Variants in SMARCE1 observed in about 807,000 individuals in gnomAD.
The protein encoded by SMARCE1 is SWI/SNF related BAF chromatin remodeling complex subunit E1, also known as SWI/SNF-related matrix-associated actin-dependent regulator of chromatin subfamily E member 1.
Under a neutral mutation model 54.9 loss-of-function variants are expected in SMARCE1, and 13 were observed. That is an observed-to-expected ratio of 0.24 (90% CI 0.15 to 0.38). The LOEUF (loss-of-function observed/expected upper bound fraction) is 0.38, where lower values mean the gene tolerates loss of function less well. SMARCE1 is among the 10% of genes least tolerant of loss of function. The probability of loss-of-function intolerance (pLI) is 1.00; values close to 1 mark genes in which losing one functional copy is unlikely to be tolerated. For missense variants in SMARCE1, 295 were observed against 523.8 expected, an observed-to-expected ratio of 0.56 and a Z score of 4.26; for synonymous variants, 151 against 175.3, an observed-to-expected ratio of 0.86 and a Z score of 1.10.
chr17:40,646,271 T>A (rs1392655936), intron 1 of SMARCE1, among the ~76,000 whole-genome samples: 1 of 152,210 alleles, frequency 6.6e-6, no homozygotes, highest in Non-Finnish European at 1.5e-5. Flanking sequence ...GATAACAATT[T>A]TTATTAAAAT....
intron 10 of SMARCE1, chr17:40,629,277 T>C (rs1298957217): frequency 5.0e-6 from 2 of 403,014 alleles, no homozygotes; most frequent in Non-Finnish European, 8.7e-6. Context: ...TAAAGACTGT[T>C]TAAAAAAAGG....
chr17:40,645,375 C>T, intron 3 of SMARCE1: 1 of 476,682 alleles, frequency 2.1e-6, no homozygotes. Flanking sequence ...TTTTACAGTA[C>T]TGTTTCTTTA....
chr17:40,645,524 T>C, intron 3 of SMARCE1, 52 bp downstream of exon 3: 3 of 1,231,144 alleles, frequency 2.4e-6, no homozygotes, highest in Non-Finnish European at 2.3e-6. Context: ...ATCTGGGTTT[T>C]TGTATCAAGG....
At chr17:40,645,207 G>A (rs2037242915) in intron 3 of SMARCE1, 1 of 341,286 alleles carries the variant, frequency 2.9e-6, no homozygotes, top group South Asian at 1.5e-4. Context: ...ATAACCAGTT[G>A]AAGGTTAGGT....
In SMARCE1 at chr17:40,625,390, C is replaced by T. The variant is rs1024147297; in HGVS notation, c.*3395G>A. ...TTTTTCATTTGCAAAGACGTTAAGC[C>T]CTCCAAATGTGCAAATCATGAAGTC... On this transcript the variant is annotated 3_prime_UTR_variant, in exon 11 of 11. Coordinates refer to ENST00000348513, the MANE Select transcript of SMARCE1 (RefSeq NM_003079.5). The T allele has an allele frequency of 1.3e-5, 2 of 152,148 alleles. No homozygotes were observed. Among genetic ancestry groups the T allele is most frequent in the Admixed American group, 1.3e-4 (2 of 15,276 alleles). The allele number at this position is 152,148 out of a possible 1,614,324, so 9.4% of individuals were successfully genotyped here.
rs1185466117 is a variant in SMARCE1 at position 40,632,371 on chromosome 17, G to C, written c.542-4C>G. 4 of 1,612,500 alleles carry C rather than the reference G, an allele frequency of 2.5e-6. No individual in the cohort carries two copies. The East Asian group carries it at 6.7e-5, about 27-fold the overall frequency. On this transcript the variant is annotated splice_region_variant and splice_polypyrimidine_tract_variant and intron_variant, in intron 7 of 10. Coordinates refer to ENST00000348513, the MANE Select transcript of SMARCE1 (RefSeq NM_003079.5). The stretch of plus-strand genomic sequence containing the variant: ...ATTGAAAAGCCATCATCATAATCTG[G>C]AGTGAACAAATTGTTCTGGAAATCA...
At chr17:40,635,235 G>A (rs2037134689) in intron 7 of SMARCE1, 2 of 151,118 alleles carry the variant, frequency 1.3e-5, no homozygotes, top group South Asian at 4.2e-4. Flanking sequence ...GCAGTATACA[G>A]AGAAACTATT....
rs970725352 is a variant in SMARCE1, at chr17:40,645,505, C to T, written c.51+71G>A. The T allele has an allele frequency of 6.7e-6, 6 of 889,492 alleles. No individual in the cohort carries two copies. In the African/African-American group the frequency reaches 1.1e-4, roughly 16 times the overall value. 55.1% of individuals were successfully genotyped at this position (889,492 alleles called of 1,614,324 possible). ...TGCTGTGATGATTGAGTGACTGTCACTGGAAGACATCTGGGTTTTTGTATC... is the reference window on the plus strand; with the variant it reads ...TGCTGTGATGATTGAGTGACTGTCATTGGAAGACATCTGGGTTTTTGTATC... On this transcript the variant is annotated intron_variant, in intron 3 of 10. Coordinates refer to ENST00000348513, the MANE Select transcript of SMARCE1 (RefSeq NM_003079.5).
At chr17:40,643,052 T>A (rs2037215187) in intron 3 of SMARCE1, 3 of 152,458 alleles carry the variant, frequency 2.0e-5, no homozygotes, top group Non-Finnish European at 4.4e-5. Context: ...AAGAAATGGA[T>A]CTGATTTCAA....
intron 6 of SMARCE1, 106 bp from the exon 7 acceptor site, chr17:40,636,208 T>G: frequency 8.2e-7 from 1 of 1,213,066 alleles, no homozygotes; most frequent in South Asian, 1.5e-5. Flanking sequence ...AAACAGGGTG[T>G]TGGGATAATT....
Position 40,630,829 on chromosome 17 carries a change from C to T in SMARCE1, c.912G>A (p.Glu304=). ...EQARKRQEER[E]KEAAEQAERS... is the part of the protein sequence containing the mutation. ...GCTCAGCTTGCTCTGCGGCCTCCTT[C>T]TCCCTTTCCTCCTGCCTTTTGCGGG... The change falls in exon 10 of 11, where the codon GAG becomes GAA. Residue 304 remains glutamate, a synonymous_variant. Transcript: ENST00000348513. The T allele has an allele frequency of 6.2e-7, 1 of 1,614,102 alleles. No individual in the cohort carries two copies. The highest frequency in any genetic ancestry group is 1.1e-5 in the South Asian group (1 of 91,084).
In SMARCE1 at chr17:40,638,331, TA is replaced by T. The variant is rs1355054110; in HGVS notation, c.157-760del. Among the ~76,000 whole-genome samples the T allele has an allele frequency of 5.3e-5, 8 of 152,192 alleles. No individual in the cohort carries two copies. The South Asian group carries it at 8.3e-4, about 16-fold the overall frequency. ...CTTATATCAAGAAGCTCCATTCCAT[TA>T]AAAATGTTCAGTTTTATGGGAAAGA... is the stretch of plus-strand genomic sequence containing the variant. On this transcript the variant is annotated intron_variant, in intron 4 of 10. Transcript: ENST00000348513.
At chr17:40,640,254 C>T (rs543526576) in intron 4 of SMARCE1, among the ~76,000 whole-genome samples, 2 of 152,304 alleles carry the variant, frequency 1.3e-5, no homozygotes. Context: ...ATTTTTGTCT[C>T]AATGTGTTTT....
intron 1 of SMARCE1, 71 bp from the exon 2 acceptor site, chr17:40,645,918 T>C (rs1025201861): frequency 6.4e-6 from 3 of 471,270 alleles, no homozygotes; most frequent in Non-Finnish European, 1.1e-5. Context: ...GTTTTCCTAA[T>C]GAATAGGGTA....
At chr17:40,640,963 C>T (rs190025559) in intron 4 of SMARCE1, 3 of 152,324 alleles carry the variant, frequency 2.0e-5, no homozygotes, top group East Asian at 3.9e-4. Context: ...GAATCCCCCA[C>T]AGCTACATCC....
rs759693148 is a variant in SMARCE1, at chr17:40,630,960, T to G, written c.817-36A>C. 3 of 1,557,314 alleles carry G rather than the reference T, an allele frequency of 1.9e-6. No homozygotes were observed. In the South Asian group the frequency reaches 3.4e-5, roughly 18 times the overall value. ...AAAAACAGAACTCCGTAATGTTTTTTCCTTATAATTTTTGAGCCAGATATA... is the reference window on the plus strand; with the variant it reads ...AAAAACAGAACTCCGTAATGTTTTTGCCTTATAATTTTTGAGCCAGATATA... On this transcript the variant is annotated intron_variant, in intron 9 of 10. Transcript: ENST00000348513.
Position 40,642,436 on chromosome 17 carries a change from TA to T in SMARCE1, c.156+18del. The stretch of plus-strand genomic sequence containing the variant: ...AATTCCAGTTGTTTGCCGGATGCTG[TA>T]ATAGTTGATTCTCCTACCGTGACCC... On this transcript the variant is annotated intron_variant, in intron 4 of 10. Transcript: ENST00000348513. The surrounding 1 kb of genome is among the most constrained non-coding windows in gnomAD (Gnocchi z 4.6). The T allele has an allele frequency of 7.1e-7, 1 of 1,405,362 alleles. No individual in the cohort carries two copies. Among genetic ancestry groups the T allele is most frequent in the Non-Finnish European group, 1.0e-6 (1 of 989,592 alleles). 87.1% of individuals were successfully genotyped at this position (1,405,362 alleles called of 1,614,324 possible).
At chr17:40,636,581 TAA>T in intron 5 of SMARCE1, 55 bp from the exon 6 acceptor site, 1 of 1,404,390 alleles carries the variant, frequency 7.1e-7, no homozygotes, top group Non-Finnish European at 9.9e-7. Context: ...TATAGACCTT[TAA>T]AAATAGTTTT....
At chr17:40,630,078 T>G in intron 10 of SMARCE1, 1 of 567,518 alleles carries the variant, frequency 1.8e-6, no homozygotes, top group Non-Finnish European at 3.1e-6. Flanking sequence ...TAGTCCTGTT[T>G]ACACAGTGTA....
Sources: gnomAD v4.1 joint callset for allele counts (sites outside exome capture counted in the v4.1 genomes callset) on GRCh38, gnomAD v4.1.1 for gene constraint, Gnocchi (gnomAD v3.1) non-coding constraint, MANE v1.5 for transcripts, NCBI Gene and HGNC (gene_info 2026-07-23, HGNC 2026-07-21) for gene names.